The following ELOVL6 variants were observed in gnomAD, a reference collection of about 807,000 sequenced individuals.
ELOVL6 encodes ELOVL fatty acid elongase 6, also known as very long chain fatty acid elongase 6.
Under a neutral mutation model 31.7 loss-of-function variants are expected in ELOVL6, and 8 were observed. The ratio of observed to expected loss-of-function variants is 0.25; its 90% CI spans 0.15 to 0.45. The LOEUF (loss-of-function observed/expected upper bound fraction) is 0.45. ELOVL6 is among the 20% of genes least tolerant of loss of function. ELOVL6 has a pLI of 1.00. For synonymous variants in ELOVL6, 101 were observed against 117.7 expected, an observed-to-expected ratio of 0.86 and a Z score of 0.92; for missense variants, 126 against 326.4, an observed-to-expected ratio of 0.39 and a Z score of 4.73.
At chr4:110,089,597 T>C (rs1263488792) in intron 2 of ELOVL6, among the ~76,000 whole-genome samples, 1 of 152,156 alleles carries the variant, frequency 6.6e-6, no homozygotes, top group Non-Finnish European at 1.5e-5. Flanking sequence ...ATAATTGAAA[T>C]TCACTCCTAA....
intron 1 of ELOVL6, among the ~76,000 whole-genome samples, chr4:110,162,424 T>C (rs1372174841): frequency 6.6e-6 from 1 of 152,196 alleles, no homozygotes; most frequent in African/African-American, 2.4e-5. Context: ...CAGCTCACTG[T>C]AGCCTTGAGC....
intron 3 of ELOVL6, among the ~76,000 whole-genome samples, chr4:110,057,545 T>A (rs1755020486): frequency 6.6e-6 from 1 of 152,044 alleles, no homozygotes; most frequent in Non-Finnish European, 1.5e-5. Flanking sequence ...AACGTGTAAT[T>A]TTATTTTAAA....
At chr4:110,116,899 T>A (rs1757184125) in intron 1 of ELOVL6, among the ~76,000 whole-genome samples, 1 of 152,212 alleles carries the variant, frequency 6.6e-6, no homozygotes, top group Non-Finnish European at 1.5e-5. Context: ...CAATGCTTCC[T>A]TCACTTCCTT....
intron 1 of ELOVL6, among the ~76,000 whole-genome samples, chr4:110,171,677 CTCTTTTTTT>C (rs1447172714): frequency 1.6e-5 from 2 of 127,574 alleles, no homozygotes; most frequent in East Asian, 4.8e-4. Flanking sequence ...GCATAATATC[CTCTTTTTTT>C]TTTTTTTTTT....
At position 110,051,330 on chromosome 4, in the gene ELOVL6, T is replaced by C; in HGVS notation, c.*8A>G. 5.0e-6 allele frequency: 8 copies of C among 1,613,224 alleles called. No homozygotes were observed. The highest frequency in any genetic ancestry group is 6.8e-6 in the Non-Finnish European group (8 of 1,179,472). Reference sequence around the variant, plus strand: ...CCCTGAGCTATGGCTTCCTCCTCAGTTCCAACACTATTCAGCTTTCGTTGT... The same window carrying C: ...CCCTGAGCTATGGCTTCCTCCTCAGCTCCAACACTATTCAGCTTTCGTTGT... On this transcript the variant is annotated 3_prime_UTR_variant, in exon 4 of 4. Transcript: ENST00000302274. The surrounding 1 kb of genome is among the most constrained non-coding windows in gnomAD (Gnocchi z 4.8).
chr4:110,184,585 C>T (rs1759386503), intron 1 of ELOVL6, among the ~76,000 whole-genome samples: 1 of 152,128 alleles, frequency 6.6e-6, no homozygotes, highest in African/African-American at 2.4e-5. Flanking sequence ...AGATCAGTGA[C>T]TCAGAAAGAC....
chr4:110,153,142 A>G (rs1758326561), intron 1 of ELOVL6, among the ~76,000 whole-genome samples: 1 of 152,222 alleles, frequency 6.6e-6, no homozygotes, highest in Non-Finnish European at 1.5e-5. Context: ...GAACCCTGAC[A>G]GAGATGAAGA....
At chr4:110,074,669 T>C (rs997839756) in intron 2 of ELOVL6, among the ~76,000 whole-genome samples, 1 of 152,156 alleles carries the variant, frequency 6.6e-6, no homozygotes, top group Non-Finnish European at 1.5e-5. Context: ...GTACGCCAGA[T>C]GGTGATAAGG....
intron 1 of ELOVL6, among the ~76,000 whole-genome samples, chr4:110,182,688 C>A (rs1326523105): frequency 6.6e-6 from 1 of 152,092 alleles, no homozygotes; most frequent in Non-Finnish European, 1.5e-5. Flanking sequence ...GTGGGTGGAT[C>A]ACCTGAGGTC....
chr4:110,196,389 C>A (rs971227370), intron 1 of ELOVL6, among the ~76,000 whole-genome samples: 3 of 152,172 alleles, frequency 2.0e-5, no homozygotes, highest in African/African-American at 7.2e-5. Flanking sequence ...GGCTAGCCAG[C>A]AGCGCGGTTC....
At chr4:110,090,606 T>TTTTTTTTTC (rs1553956755) in intron 2 of ELOVL6, among the ~76,000 whole-genome samples, 1 of 139,930 alleles carries the variant, frequency 7.1e-6, no homozygotes, top group African/African-American at 2.8e-5. Flanking sequence ...CTTTCTTTTT[T>TTTTTTTTTC]TTTTTTTTTT....
At chr4:110,139,270 G>C (rs955601121) in intron 1 of ELOVL6, among the ~76,000 whole-genome samples, 2 of 152,168 alleles carry the variant, frequency 1.3e-5, no homozygotes, top group African/African-American at 2.4e-5. Context: ...CTCTGGAACT[G>C]AGCTCAATAC....
chr4:110,084,561 C>T (rs59068165), intron 2 of ELOVL6, among the ~76,000 whole-genome samples: 4,494 of 59,940 alleles, frequency 0.075, 382 homozygotes, highest in African/African-American at 0.23. Context: ...CACACACACA[C>T]AGATATATAT....
chr4:110,120,798 C>CTTTTTT lies in ELOVL6; in HGVS notation c.90-15176_90-15171dup, dbSNP rs1008949209. Among the ~76,000 whole-genome samples the CTTTTTT allele has an allele frequency of 6.8e-5, 8 of 117,862 alleles. No homozygotes were observed. The South Asian group carries it at 1.8e-3, about 26-fold the overall frequency. The allele number at this position is 117,862 out of a possible 152,430, so 77.3% of individuals were successfully genotyped here. ...CTGGTTCTTTTCTTTTTTTTCTTTT[C>CTTTTTT]TTTTTTTTTTTTTTTTTTTTGAAAC... On this transcript the variant is annotated intron_variant, in intron 1 of 3. Coordinates refer to ENST00000302274, the MANE Select transcript of ELOVL6 (RefSeq NM_024090.3).
chr4:110,076,723 T>C (rs777543115), intron 2 of ELOVL6, among the ~76,000 whole-genome samples: 2 of 151,404 alleles, frequency 1.3e-5, no homozygotes, highest in African/African-American at 4.9e-5. Context: ...CACTGGGGAG[T>C]GTTGGAAAGT....
At chr4:110,186,052 T>C (rs997131144) in intron 1 of ELOVL6, among the ~76,000 whole-genome samples, 1 of 151,992 alleles carries the variant, frequency 6.6e-6, no homozygotes, top group Non-Finnish European at 1.5e-5. Flanking sequence ...TAGCCAGGCA[T>C]GGTGGCAGGC....
At chr4:110,191,999 G>C (rs1056899092) in intron 1 of ELOVL6, among the ~76,000 whole-genome samples, 1 of 151,972 alleles carries the variant, frequency 6.6e-6, no homozygotes, top group Non-Finnish European at 1.5e-5. Context: ...AGACCAGCCT[G>C]ACTAACATGG....
intron 2 of ELOVL6, among the ~76,000 whole-genome samples, chr4:110,075,997 T>C (rs1160232164): frequency 6.6e-6 from 1 of 152,040 alleles, no homozygotes; most frequent in Admixed American, 6.5e-5. Context: ...CAATGAAGAG[T>C]TGATACCCTG....
At chr4:110,060,696 T>TG (rs1251422869) in intron 2 of ELOVL6, among the ~76,000 whole-genome samples, 1 of 152,114 alleles carries the variant, frequency 6.6e-6, no homozygotes, top group Non-Finnish European at 1.5e-5. Flanking sequence ...CCAGAGTGTG[T>TG]GAACCATGCC....
Sources: gnomAD v4.1 joint callset for allele counts (sites outside exome capture counted in the v4.1 genomes callset) on GRCh38, gnomAD v4.1.1 for gene constraint, Gnocchi (gnomAD v3.1) non-coding constraint, MANE v1.5 for transcripts, NCBI Gene and HGNC (gene_info 2026-07-23, HGNC 2026-07-21) for gene names.